Variants in CFAP20DC observed in about 807,000 individuals in gnomAD.
CFAP20DC encodes the protein protein CFAP20DC.
CFAP20DC carries 84 observed loss-of-function variants against 101.7 expected under a neutral mutation model. That is an observed-to-expected ratio of 0.83 (90% CI 0.69 to 0.99). The LOEUF is 0.99. CFAP20DC is among the 50% of genes least tolerant of loss of function. The pLI is 0.00. For synonymous variants in CFAP20DC, 359 were observed against 351.2 expected, an observed-to-expected ratio of 1.02 and a Z score of -0.25; for missense variants, 1,007 against 970.3, an observed-to-expected ratio of 1.04 and a Z score of -0.50.
At chr3:59,031,849 T>G (rs1006905391) in intron 4 of CFAP20DC, among the ~76,000 whole-genome samples, 1 of 152,250 alleles carries the variant, frequency 6.6e-6, no homozygotes, top group Non-Finnish European at 1.5e-5. Flanking sequence ...CTTCTTAGTT[T>G]GTACCAAACT....
chr3:58,760,325 G>A (rs1442660095), intron 15 of CFAP20DC, among the ~76,000 whole-genome samples: 1 of 152,074 alleles, frequency 6.6e-6, no homozygotes, highest in African/African-American at 2.4e-5. Flanking sequence ...TCATGATTTT[G>A]CTCTCTGTTT....
rs1340258510 is a variant in CFAP20DC at position 58,882,373 on chromosome 3, GAA to G, written c.715+2170_715+2171del. Among the ~76,000 whole-genome samples, 1 of 152,008 alleles carries G rather than the reference GAA, an allele frequency of 6.6e-6. No individual in the cohort carries two copies. Reference sequence around the variant, plus strand: ...TATAAGTGTCCTTCAAATTTAAATTGAAAAAGACACTTAAAATATCGGGATAT... The same window carrying G: ...TATAAGTGTCCTTCAAATTTAAATTGAAAGACACTTAAAATATCGGGATAT... On this transcript the variant is annotated intron_variant, in intron 7 of 16. Coordinates refer to ENST00000482387, the MANE Select transcript of CFAP20DC (RefSeq NM_001394063.1). This position sits in a 1 kb window ranked among gnomAD's most constrained non-coding sequence, Gnocchi z 4.2.
intron 4 of CFAP20DC, among the ~76,000 whole-genome samples, chr3:58,981,005 A>G (rs2092515956): frequency 6.6e-6 from 1 of 152,206 alleles, no homozygotes; most frequent in East Asian, 1.9e-4. Context: ...AACTTCAGCA[A>G]AGTCTCAGGA....
chr3:58,750,951 T>C (rs1559540424), intron 16 of CFAP20DC, among the ~76,000 whole-genome samples: 1 of 152,116 alleles, frequency 6.6e-6, no homozygotes, highest in Non-Finnish European at 1.5e-5. Flanking sequence ...ATTTTAGAAA[T>C]ATACCAAATA....
chr3:58,931,188 T>A (rs1200788432), intron 5 of CFAP20DC, among the ~76,000 whole-genome samples: 1 of 151,844 alleles, frequency 6.6e-6, no homozygotes, highest in African/African-American at 2.4e-5. Context: ...CAGTCTGAGA[T>A]CAAACTGCAA....
chr3:58,992,065 G>A (rs1576623329), intron 4 of CFAP20DC, among the ~76,000 whole-genome samples: 2 of 152,134 alleles, frequency 1.3e-5, no homozygotes, highest in African/African-American at 4.8e-5. Context: ...CCTATGAAAT[G>A]GGTTAGCATT....
chr3:58,943,759 GTAA>G (rs1338992170), intron 4 of CFAP20DC, among the ~76,000 whole-genome samples: 1 of 152,002 alleles, frequency 6.6e-6, no homozygotes, highest in East Asian at 1.9e-4. Context: ...CAGAAGGTGG[GTAA>G]TAATAAACTA....
intron 5 of CFAP20DC, among the ~76,000 whole-genome samples, chr3:58,935,743 C>T (rs1414318226): frequency 6.6e-6 from 1 of 152,104 alleles, no homozygotes; most frequent in Non-Finnish European, 1.5e-5. Flanking sequence ...AAACTGGATC[C>T]CTTCCTTACA....
At chr3:58,990,590 T>C (rs758729797) in intron 4 of CFAP20DC, among the ~76,000 whole-genome samples, 5 of 152,172 alleles carry the variant, frequency 3.3e-5, no homozygotes, top group African/African-American at 4.8e-5. Context: ...AAAGTAGATC[T>C]TTCTGTGTAC....
intron 6 of CFAP20DC, among the ~76,000 whole-genome samples, chr3:58,885,985 T>C (rs2081594559): frequency 6.6e-6 from 1 of 152,162 alleles, no homozygotes; most frequent in African/African-American, 2.4e-5. Context: ...GTAAGCCATT[T>C]TACTATTAGT....
chr3:59,020,786 AC>A (rs905830467), intron 4 of CFAP20DC, among the ~76,000 whole-genome samples: 1 of 152,074 alleles, frequency 6.6e-6, no homozygotes, highest in Non-Finnish European at 1.5e-5. Context: ...CACCTTATGG[AC>A]AGTATGTCCC....
At position 58,957,647 on chromosome 3, in the gene CFAP20DC, C is replaced by T. The variant is rs144175255; in HGVS notation, c.279-19885G>A. On this transcript the variant is annotated intron_variant, in intron 4 of 16. Coordinates refer to ENST00000482387, the MANE Select transcript of CFAP20DC (RefSeq NM_001394063.1). Reference sequence around the variant, plus strand: ...ATGGATAAAGACAATGTGGTACTTACATACAATGGAGTATTATTCAGCCAT... The same window carrying T: ...ATGGATAAAGACAATGTGGTACTTATATACAATGGAGTATTATTCAGCCAT... Among the ~76,000 whole-genome samples the T allele has an allele frequency of 9.5e-4, 145 of 152,232 alleles. 2 individuals carry two copies. The East Asian group carries it at 0.025, about 27-fold the overall frequency.
chr3:59,044,030 T>C (rs967965196), intron 3 of CFAP20DC, among the ~76,000 whole-genome samples: 18 of 152,194 alleles, frequency 1.2e-4, no homozygotes, highest in African/African-American at 3.6e-4. Flanking sequence ...CTTTATTTTA[T>C]GTGTTTGAGA....
chr3:58,884,389 G>C (rs1026418132), intron 7 of CFAP20DC, among the ~76,000 whole-genome samples, 156 bp downstream of exon 7: 4 of 152,172 alleles, frequency 2.6e-5, no homozygotes, highest in African/African-American at 9.7e-5. Flanking sequence ...TTAGTAATCT[G>C]AGTTTGTAGC....
In CFAP20DC at chr3:58,724,491, T is replaced by C. The variant is rs1005615476; in HGVS notation, c.198-6863A>G. Among the ~76,000 whole-genome samples, 2 of 152,160 alleles carry C rather than the reference T, an allele frequency of 1.3e-5. No homozygotes were observed. The highest frequency in any genetic ancestry group is 2.4e-5 in the African/African-American group (1 of 41,436). On this transcript the variant is annotated intron_variant, in intron 3 of 3. Coordinates refer to the CFAP20DC transcript ENST00000486145. The surrounding 1 kb of genome is among the most constrained non-coding windows in gnomAD (Gnocchi z 5.6). ...TGAAGCACTGGAATGTGGACAGACGTGTGGGCTCCTATTTAAGCCCGCTCC... is the reference window on the plus strand; with the variant it reads ...TGAAGCACTGGAATGTGGACAGACGCGTGGGCTCCTATTTAAGCCCGCTCC...
chr3:58,893,103 G>C, intron 6 of CFAP20DC, among the ~76,000 whole-genome samples: 1 of 151,276 alleles, frequency 6.6e-6, no homozygotes, highest in African/African-American at 2.4e-5. Context: ...GAGTGCAGTG[G>C]TGCAATCTCA....
Position 58,868,316 on chromosome 3 carries a change from G to A in CFAP20DC, c.1016-380C>T, listed in dbSNP as rs1189401084. Among the ~76,000 whole-genome samples, 2 of 152,106 alleles carry A rather than the reference G, an allele frequency of 1.3e-5. No homozygotes were observed. The highest frequency in any genetic ancestry group is 6.5e-5 in the Admixed American group (1 of 15,272). Reference sequence around the variant, plus strand: ...GTCGATAACTATACTTTCAACAAGAGCATAGAGAGCAGCTTCCAAAAGAGC... The same window carrying A: ...GTCGATAACTATACTTTCAACAAGAACATAGAGAGCAGCTTCCAAAAGAGC... On this transcript the variant is annotated intron_variant, in intron 9 of 16. Transcript: ENST00000482387. This position sits in a 1 kb window ranked among gnomAD's most constrained non-coding sequence, Gnocchi z 4.6.
intron 4 of CFAP20DC, among the ~76,000 whole-genome samples, chr3:58,997,134 C>G (rs554046769): frequency 6.6e-6 from 1 of 152,200 alleles, no homozygotes; most frequent in African/African-American, 2.4e-5. Context: ...CTGTCTTTAG[C>G]TGAACTAAGG....
chr3:58,889,760 G>A (rs559209635), intron 6 of CFAP20DC, among the ~76,000 whole-genome samples: 3 of 135,646 alleles, frequency 2.2e-5, no homozygotes, highest in South Asian at 5.3e-4. Flanking sequence ...GACTCTTAAC[G>A]AGCATGCTGC....
Sources: allele counts gnomAD v4.1 joint callset (sites outside exome capture counted in the v4.1 genomes callset), GRCh38; gene constraint gnomAD v4.1.1; non-coding constraint Gnocchi (gnomAD v3.1); transcripts MANE v1.5; gene names NCBI Gene and HGNC (gene_info 2026-07-23, HGNC 2026-07-21).